Variants in NEBL observed in about 807,000 individuals in gnomAD.
NEBL encodes nebulette, also known as LIM and SH3 protein 2.
NEBL carries 122 observed loss-of-function variants against 140.2 expected under a neutral mutation model. The ratio of observed to expected loss-of-function variants is 0.87; its 90% confidence interval spans 0.75 to 1.01. The LOEUF is 1.01. NEBL is among the 50% of genes least tolerant of loss of function. The probability of loss-of-function intolerance (pLI) is 0.00; values close to 1 mark genes in which losing one functional copy is unlikely to be tolerated. For missense variants in NEBL, 1,365 were observed against 1,231.3 expected (o/e 1.11, Z -1.62); for synonymous variants, 436 against 398.9 (o/e 1.09, Z -1.11).
At chr10:21,238,305 C>T (rs1286495765) in intron 3 of NEBL, among the ~76,000 whole-genome samples, 1 of 152,158 alleles carries the variant, frequency 6.6e-6, no homozygotes, top group Non-Finnish European at 1.5e-5. Flanking sequence ...TAACAATGTC[C>T]AGGTGAATGT....
chr10:21,058,624 T>C (rs1835143003), intron 2 of NEBL, among the ~76,000 whole-genome samples: 1 of 152,142 alleles, frequency 6.6e-6, no homozygotes. Flanking sequence ...AAATGCAACA[T>C]TAAATACAAA....
intron 5 of NEBL, among the ~76,000 whole-genome samples, chr10:20,875,582 T>C (rs943016950): frequency 6.6e-6 from 1 of 152,198 alleles, no homozygotes; most frequent in East Asian, 1.9e-4. Context: ...TTTGAGACTC[T>C]CTGGTAGGTG....
chr10:21,092,915 A>T (rs1836989507), intron 2 of NEBL, among the ~76,000 whole-genome samples: 1 of 151,918 alleles, frequency 6.6e-6, no homozygotes. Flanking sequence ...AAATTATATT[A>T]CTCTAAAGTC....
intron 3 of NEBL, among the ~76,000 whole-genome samples, chr10:20,986,918 T>C (rs952818857): frequency 1.3e-5 from 2 of 152,200 alleles, no homozygotes; most frequent in African/African-American, 4.8e-5. Flanking sequence ...CTATGGGGAA[T>C]TGTTAGCACA....
chr10:21,161,731 T>A (rs1840568116), intron 2 of NEBL, among the ~76,000 whole-genome samples: 1 of 152,244 alleles, frequency 6.6e-6, no homozygotes, highest in African/African-American at 2.4e-5. Context: ...CCTGATGGAA[T>A]AGGAAGGCTC....
At chr10:20,967,206 C>T (rs939557555) in intron 3 of NEBL, among the ~76,000 whole-genome samples, 6 of 151,782 alleles carry the variant, frequency 4.0e-5, no homozygotes, top group African/African-American at 1.5e-4. Context: ...AGGAAACAAC[C>T]TAAATATCCA....
chr10:21,030,203 C>T (rs1222985052), intron 2 of NEBL: 2 of 501,206 alleles, frequency 4.0e-6, no homozygotes, highest in Non-Finnish European at 7.5e-6. Flanking sequence ...ACTAGAATGA[C>T]GGCCTCGGGA....
chr10:21,230,503 AT>A lies in NEBL; in HGVS notation n.348+17417del, dbSNP rs1842232213. Among the ~76,000 whole-genome samples, 2 of 152,100 alleles carry A rather than the reference AT, an allele frequency of 1.3e-5. 1 individual carries two copies. Among genetic ancestry groups the A allele is most frequent in the South Asian group, 4.1e-4 (2 of 4,824 alleles). On this transcript the variant is annotated intron_variant and non_coding_transcript_variant, in intron 3 of 8. Transcript: ENST00000675702. ...TGGTTTCAAGATGAATGTGTCAACAATCTCACTTTCTCAGAGCTTTTTCTAT... is the reference window on the plus strand; with the variant it reads ...TGGTTTCAAGATGAATGTGTCAACAACTCACTTTCTCAGAGCTTTTTCTAT...
chr10:21,131,766 A>G (rs1839119862), intron 2 of NEBL, among the ~76,000 whole-genome samples: 1 of 152,068 alleles, frequency 6.6e-6, no homozygotes, highest in Non-Finnish European at 1.5e-5. Flanking sequence ...AAAGTTTGGG[A>G]AAAGGAATAA....
chr10:21,222,329 A>G (rs1266623530), intron 3 of NEBL, among the ~76,000 whole-genome samples: 1 of 150,896 alleles, frequency 6.6e-6, no homozygotes, highest in Admixed American at 6.6e-5. Flanking sequence ...GTTTCAGTTT[A>G]ATTCTCACCA....
chr10:21,102,573 C>T (rs1837524209), intron 2 of NEBL, among the ~76,000 whole-genome samples: 1 of 152,148 alleles, frequency 6.6e-6, no homozygotes, highest in Non-Finnish European at 1.5e-5. Flanking sequence ...CTTTGAGTTT[C>T]CTTTGAGTGC....
chr10:20,835,206 T>C (rs932337500), intron 14 of NEBL, among the ~76,000 whole-genome samples: 8 of 152,214 alleles, frequency 5.3e-5, no homozygotes, highest in African/African-American at 1.9e-4. Flanking sequence ...AAAACATTTA[T>C]CATAGCCTAG....
chr10:20,825,198 A>G (rs1274400321), intron 18 of NEBL, among the ~76,000 whole-genome samples: 1 of 152,116 alleles, frequency 6.6e-6, no homozygotes. Flanking sequence ...ACCCACACTG[A>G]TATTCTCTGG....
At chr10:21,147,046 C>A (rs934430959) in intron 2 of NEBL, among the ~76,000 whole-genome samples, 32 of 152,146 alleles carry the variant, frequency 2.1e-4, no homozygotes, top group African/African-American at 7.2e-4. Context: ...AGTGACTCTT[C>A]AAGTCAGAAG....
At chr10:20,932,615 A>G (rs6482153) in intron 4 of NEBL, among the ~76,000 whole-genome samples, 28,228 of 152,226 alleles carry the variant, frequency 0.19, 3,371 homozygotes, top group African/African-American at 0.34. Flanking sequence ...TAAGAAAAGA[A>G]TAAGTATTCT....
At chr10:21,184,750 A>T (rs925693550) in intron 3 of NEBL, among the ~76,000 whole-genome samples, 5 of 152,262 alleles carry the variant, frequency 3.3e-5, no homozygotes, top group African/African-American at 1.2e-4. Context: ...ATTTTATGAC[A>T]TAAGAAGATG....
At chr10:21,284,736 C>T (rs1040627575) in intron 1 of NEBL, among the ~76,000 whole-genome samples, 7 of 152,128 alleles carry the variant, frequency 4.6e-5, no homozygotes, top group African/African-American at 1.4e-4. Flanking sequence ...GGGAGGCTTC[C>T]TCACTCTCCC....
chr10:20,961,844 G>A, intron 3 of NEBL: 4 of 1,183,096 alleles, frequency 3.4e-6, no homozygotes, highest in Non-Finnish European at 5.0e-6. Flanking sequence ...GATAGGCTGG[G>A]CCAACGAAGC....
intron 2 of NEBL, among the ~76,000 whole-genome samples, chr10:21,122,317 C>T (rs1031229014): frequency 6.6e-6 from 1 of 152,000 alleles, no homozygotes; most frequent in African/African-American, 2.4e-5. Context: ...TGAGCCACCA[C>T]GCCCAGCCGG....
Sources: gnomAD v4.1 joint callset for allele counts (sites outside exome capture counted in the v4.1 genomes callset) on GRCh38, gnomAD v4.1.1 for gene constraint, MANE v1.5 for transcripts, NCBI Gene and HGNC (gene_info 2026-07-23, HGNC 2026-07-21) for gene names.